Variants in FER observed in about 807,000 individuals in gnomAD.
FER encodes tyrosine-protein kinase Fer.
In FER, 63 loss-of-function variants were observed where a neutral mutation model predicts 111.0. The observed-to-expected ratio is 0.57, with a 90% CI of 0.46 to 0.70. The LOEUF is 0.70. Ranked by LOEUF, FER falls within the 30% of genes least tolerant of loss-of-function variation. The pLI is 0.00. For missense variants in FER, 914 were observed against 954.0 expected (o/e 0.96, Z 0.55); for synonymous variants, 327 against 313.9 (o/e 1.04, Z -0.44).
chr5:109,093,393 T>G (rs1554135894), intron 16 of FER, among the ~76,000 whole-genome samples: 1 of 152,192 alleles, frequency 6.6e-6, no homozygotes, highest in Non-Finnish European at 1.5e-5. Flanking sequence ...TGTAATCTGA[T>G]AGAAGTAGTT....
rs917966662 is a variant in FER at position 109,188,214 on chromosome 5, C to G, written c.*639C>G. 6.8e-6 allele frequency: 1 copy of G among 147,664 alleles called. No individual in the cohort carries two copies. The highest frequency in any genetic ancestry group is 1.5e-5 in the Non-Finnish European group (1 of 66,952). 9.1% of individuals were successfully genotyped at this position (147,664 alleles called of 1,614,324 possible). A position where few individuals can be genotyped will look rare whatever the true frequency, so the allele number is the denominator to read the frequency against. Reference sequence around the variant, plus strand: ...GCATCAGAAAACAATGCACGTAGGTCGGGCACGGTGGCTCACGCCTGTAAT... The same window carrying G: ...GCATCAGAAAACAATGCACGTAGGTGGGGCACGGTGGCTCACGCCTGTAAT... On this transcript the variant is annotated 3_prime_UTR_variant, in exon 20 of 20. Transcript: ENST00000281092.
At chr5:108,754,512 C>T (rs1750869445) in intron 1 of FER, among the ~76,000 whole-genome samples, 2 of 151,394 alleles carry the variant, frequency 1.3e-5, no homozygotes, top group African/African-American at 4.8e-5. Context: ...TCCACATTTT[C>T]CTGAAGTGAA....
chr5:108,964,801 A>T (rs1391454041), intron 13 of FER, among the ~76,000 whole-genome samples: 2 of 152,154 alleles, frequency 1.3e-5, no homozygotes, highest in Admixed American at 6.6e-5. Flanking sequence ...AGAATAGGCC[A>T]TCCAAATAAA....
chr5:108,825,450 C>T (rs182924855), intron 3 of FER, among the ~76,000 whole-genome samples: 7 of 152,316 alleles, frequency 4.6e-5, no homozygotes, highest in Non-Finnish European at 1.0e-4. Context: ...CCCAGCTCAC[C>T]GGCGGTCAGA....
intron 17 of FER, among the ~76,000 whole-genome samples, chr5:109,147,125 C>T (rs781716912): frequency 6.6e-5 from 10 of 150,816 alleles, no homozygotes; most frequent in Non-Finnish European, 1.3e-4. Flanking sequence ...ACTCAGACTT[C>T]TCAAAAAAAA....
chr5:109,017,200 G>A (rs1767262212), intron 13 of FER, among the ~76,000 whole-genome samples: 1 of 151,916 alleles, frequency 6.6e-6, no homozygotes, highest in Admixed American at 6.6e-5. Flanking sequence ...TGAAATGTGA[G>A]CTTGAGAGGA....
At chr5:108,852,124 A>T (rs1232818168) in intron 5 of FER, among the ~76,000 whole-genome samples, 2 of 152,358 alleles carry the variant, frequency 1.3e-5, no homozygotes, top group Non-Finnish European at 1.5e-5. Flanking sequence ...TACCCTAAGC[A>T]GACAGAGTAA....
chr5:109,146,149 G>A (rs1263961724), intron 17 of FER, among the ~76,000 whole-genome samples: 3 of 116,832 alleles, frequency 2.6e-5, no homozygotes, highest in East Asian at 4.3e-4. Flanking sequence ...ACAGAGAGGG[G>A]GACTGATAGA....
At chr5:108,769,455 T>G (rs1752662739) in intron 2 of FER, among the ~76,000 whole-genome samples, 1 of 152,036 alleles carries the variant, frequency 6.6e-6, no homozygotes, top group South Asian at 2.1e-4. Context: ...ATTATAGAAA[T>G]ATTTAGGGCT....
intron 16 of FER, among the ~76,000 whole-genome samples, chr5:109,057,900 A>G (rs1023900080): frequency 6.6e-6 from 1 of 152,248 alleles, no homozygotes; most frequent in Admixed American, 6.5e-5. Context: ...CCCTGATTCT[A>G]AAATGAGACA....
chr5:108,879,543 C>A (rs1489289105), intron 8 of FER, among the ~76,000 whole-genome samples: 1 of 151,270 alleles, frequency 6.6e-6, no homozygotes, highest in African/African-American at 2.4e-5. Context: ...ATGAACTATT[C>A]TTACATTTGT....
intron 5 of FER, among the ~76,000 whole-genome samples, chr5:108,845,017 T>TATATATATATATATATATATATAC (rs1310264732): frequency 1.9e-5 from 1 of 52,218 alleles, no homozygotes; most frequent in Non-Finnish European, 3.7e-5. Flanking sequence ...TATATATATA[T>TATATATATATATATATATATATAC]ATATATATAT....
chr5:108,861,299 TA>T (rs1188752599), intron 5 of FER, among the ~76,000 whole-genome samples: 1 of 152,230 alleles, frequency 6.6e-6, no homozygotes, highest in Non-Finnish European at 1.5e-5. Context: ...TAGACTAGCT[TA>T]ATGAGTAGTC....
intron 10 of FER, among the ~76,000 whole-genome samples, chr5:108,924,132 G>A (rs1045606906): frequency 1.1e-4 from 17 of 151,964 alleles, no homozygotes; most frequent in African/African-American, 2.7e-4. Flanking sequence ...CGAGGCGGGC[G>A]GATCACCTGA....
intron 14 of FER, among the ~76,000 whole-genome samples, chr5:109,042,876 G>A (rs1341812832): frequency 6.6e-6 from 1 of 152,152 alleles, no homozygotes; most frequent in Non-Finnish European, 1.5e-5. Context: ...GGGTTATAAT[G>A]TGGAGCTATA....
chr5:108,974,843 C>T (rs11948881), intron 13 of FER, among the ~76,000 whole-genome samples: 17,613 of 152,198 alleles, frequency 0.12, 1,104 homozygotes, highest in Middle Eastern at 0.16. Flanking sequence ...TCCTTATAAC[C>T]TGCAAAAAGA....
chr5:108,819,874 G>A, intron 3 of FER: 2 of 985,208 alleles, frequency 2.0e-6, no homozygotes, highest in South Asian at 9.4e-5. Flanking sequence ...TGAGGAGTTT[G>A]AAAAAAGATA....
At chr5:109,110,263 T>C (rs1749443382) in intron 17 of FER, among the ~76,000 whole-genome samples, 1 of 152,116 alleles carries the variant, frequency 6.6e-6, no homozygotes, top group Non-Finnish European at 1.5e-5. Flanking sequence ...AAATATAAAA[T>C]AGTCCATGTG....
At chr5:108,989,794 G>A (rs1052940614) in intron 13 of FER, among the ~76,000 whole-genome samples, 4 of 151,800 alleles carry the variant, frequency 2.6e-5, no homozygotes, top group African/African-American at 7.3e-5. Flanking sequence ...TATAAAAATC[G>A]TATGTGGTGT....
Sources: gnomAD v4.1 joint callset for allele counts (sites outside exome capture counted in the v4.1 genomes callset) on GRCh38, gnomAD v4.1.1 for gene constraint, MANE v1.5 for transcripts, NCBI Gene and HGNC (gene_info 2026-07-23, HGNC 2026-07-21) for gene names.